Variants in GABRB3 observed in about 807,000 individuals in gnomAD.
GABRB3 encodes gamma-aminobutyric acid type A receptor subunit beta3.
GABRB3 carries 14 observed loss-of-function variants against 52.1 expected under a neutral mutation model. The ratio of observed to expected loss-of-function variants is 0.27; its 90% CI spans 0.18 to 0.42. The LOEUF is 0.42. Among genes scored for constraint, GABRB3 ranks in the 10% least tolerant of loss-of-function variants. The probability of loss-of-function intolerance (pLI) is 1.00; values close to 1 mark genes in which losing one functional copy is unlikely to be tolerated. For synonymous variants in GABRB3, 260 were observed against 232.3 expected (o/e 1.12, Z -1.08); for missense variants, 307 against 609.1 (o/e 0.50, Z 5.22).
intron 3 of GABRB3, among the ~76,000 whole-genome samples, chr15:26,702,961 G>T (rs889691804): frequency 6.6e-6 from 1 of 152,106 alleles, no homozygotes; most frequent in Non-Finnish European, 1.5e-5. Flanking sequence ...TTTGGTGTCT[G>T]GTTAAGGGCC....
chr15:26,606,829 G>C (rs1213478216), intron 4 of GABRB3, among the ~76,000 whole-genome samples: 2 of 99,114 alleles, frequency 2.0e-5, no homozygotes, highest in East Asian at 1.3e-3. Context: ...TAGATAGATA[G>C]ATAGATAGAT....
intron 4 of GABRB3, among the ~76,000 whole-genome samples, chr15:26,617,673 G>A (rs1424306523): frequency 6.6e-6 from 1 of 151,702 alleles, no homozygotes; most frequent in Admixed American, 6.6e-5. Context: ...AGGGCAATTA[G>A]GCAGGAGAAG....
At chr15:26,710,966 T>C (rs1468543803) in intron 3 of GABRB3, among the ~76,000 whole-genome samples, 1 of 152,172 alleles carries the variant, frequency 6.6e-6, no homozygotes, top group Non-Finnish European at 1.5e-5. Flanking sequence ...GAGACTGTTT[T>C]TGACATCTCC....
chr15:26,574,644 A>G (rs1169892314), intron 6 of GABRB3, among the ~76,000 whole-genome samples: 3 of 152,236 alleles, frequency 2.0e-5, no homozygotes, highest in Admixed American at 6.5e-5. Flanking sequence ...ACCAGACACG[A>G]AAGACCACAC....
chr15:26,669,125 T>C (rs1191741480), intron 3 of GABRB3, among the ~76,000 whole-genome samples: 1 of 152,160 alleles, frequency 6.6e-6, no homozygotes, highest in Non-Finnish European at 1.5e-5. Flanking sequence ...TCCCTCTTCT[T>C]GTTCTGTCTC....
intron 4 of GABRB3, among the ~76,000 whole-genome samples, chr15:26,602,212 T>A (rs1038926415): frequency 1.3e-5 from 2 of 152,100 alleles, no homozygotes; most frequent in Admixed American, 6.6e-5. Flanking sequence ...GAGAAACTAA[T>A]GATTGCAAAC....
chr15:26,594,275 A>C (rs1315427431), intron 4 of GABRB3, among the ~76,000 whole-genome samples: 1 of 151,008 alleles, frequency 6.6e-6, no homozygotes, highest in Non-Finnish European at 1.5e-5. Context: ...ATGCTTTGTG[A>C]TTTTTTTTCC....
At chr15:26,752,034 T>G (rs540681659) in intron 3 of GABRB3, among the ~76,000 whole-genome samples, 1 of 152,068 alleles carries the variant, frequency 6.6e-6, no homozygotes, top group African/African-American at 2.4e-5. Context: ...TTTAAAACAT[T>G]TTTTAAAAGT....
chr15:26,603,609 A>T (rs1381012555), intron 4 of GABRB3, among the ~76,000 whole-genome samples: 1 of 152,122 alleles, frequency 6.6e-6, no homozygotes, highest in Non-Finnish European at 1.5e-5. Context: ...AGATGCAAGG[A>T]TGGTTCAACA....
At chr15:26,590,051 G>C (rs901603895) in intron 4 of GABRB3, among the ~76,000 whole-genome samples, 6 of 152,126 alleles carry the variant, frequency 3.9e-5, no homozygotes, top group Non-Finnish European at 7.3e-5. Context: ...CCGGTCAAGA[G>C]GCTTGGATAA....
At chr15:26,619,917 C>CACACACCACACACACACGAAGT (rs57534048) in intron 4 of GABRB3, among the ~76,000 whole-genome samples, 1 of 151,558 alleles carries the variant, frequency 6.6e-6, no homozygotes, top group Non-Finnish European at 1.5e-5. Context: ...ACAAACCCAA[C>CACACACCACACACACACGAAGT]ACACACCACA....
intron 3 of GABRB3, among the ~76,000 whole-genome samples, chr15:26,687,431 T>G (rs960918756): frequency 1.3e-5 from 2 of 152,150 alleles, no homozygotes; most frequent in East Asian, 1.9e-4. Context: ...TACGTGTCCA[T>G]GCAATGCCCT....
chr15:26,729,847 T>C (rs1010341579), intron 3 of GABRB3, among the ~76,000 whole-genome samples: 8 of 152,248 alleles, frequency 5.3e-5, no homozygotes, highest in Admixed American at 2.6e-4. Flanking sequence ...TCCAACACAA[T>C]AGATGTTTAC....
At chr15:26,582,396 T>C (rs945175348) in intron 5 of GABRB3, among the ~76,000 whole-genome samples, 1 of 152,224 alleles carries the variant, frequency 6.6e-6, no homozygotes, top group Non-Finnish European at 1.5e-5. Flanking sequence ...ATCCTTCAAA[T>C]ACTGGGAAAT....
At chr15:26,599,134 T>C (rs1244752003) in intron 4 of GABRB3, among the ~76,000 whole-genome samples, 1 of 152,206 alleles carries the variant, frequency 6.6e-6, no homozygotes, top group East Asian at 1.9e-4. Flanking sequence ...CCCACTTCTA[T>C]GCACTTTAGA....
intron 3 of GABRB3, among the ~76,000 whole-genome samples, chr15:26,769,359 C>G (rs552101987): frequency 6.6e-6 from 1 of 152,252 alleles, no homozygotes; most frequent in South Asian, 2.1e-4. Context: ...TCTACCTCAC[C>G]ATCGCTAATC....
intron 3 of GABRB3, among the ~76,000 whole-genome samples, chr15:26,636,571 G>A (rs1392528062): frequency 2.6e-5 from 4 of 152,116 alleles, no homozygotes; most frequent in African/African-American, 9.7e-5. Flanking sequence ...TTAAGTGATT[G>A]CCTCTAGCTG....
chr15:26,741,842 T>C (rs1011657397), intron 3 of GABRB3, among the ~76,000 whole-genome samples: 1 of 152,082 alleles, frequency 6.6e-6, no homozygotes, highest in Non-Finnish European at 1.5e-5. Flanking sequence ...ACTCCTGGTC[T>C]CAAGAGATGC....
intron 3 of GABRB3, among the ~76,000 whole-genome samples, chr15:26,633,994 C>T (rs534613543): frequency 3.9e-5 from 6 of 152,312 alleles, no homozygotes; most frequent in Non-Finnish European, 7.3e-5. Context: ...AACAAAGTGA[C>T]TCCTCCATAT....
Sources: gnomAD v4.1 joint callset for allele counts (sites outside exome capture counted in the v4.1 genomes callset) on GRCh38, gnomAD v4.1.1 for gene constraint, MANE v1.5 for transcripts, NCBI Gene and HGNC (gene_info 2026-07-23, HGNC 2026-07-21) for gene names.